DOT1L: variants seen among roughly 807,000 people sequenced by gnomAD.
DOT1L encodes the protein histone-lysine N-methyltransferase, H3 lysine-79 specific.
In DOT1L, 33 loss-of-function variants were observed where a neutral mutation model predicts 153.3. The ratio of observed to expected loss-of-function variants is 0.22; its 90% CI spans 0.16 to 0.29. DOT1L has a LOEUF of 0.29. DOT1L is among the 10% of genes least tolerant of loss of function. DOT1L has a pLI of 1.00. For synonymous variants in DOT1L, 1,135 were observed against 965.1 expected, an observed-to-expected ratio of 1.18 and a Z score of -3.26; for missense variants, 1,847 against 2,119.9, an observed-to-expected ratio of 0.87 and a Z score of 2.53.
At chr19:2,165,192 C>T (rs879869748) in intron 1 of DOT1L, among the ~76,000 whole-genome samples, 3 of 152,190 alleles carry the variant, frequency 2.0e-5, no homozygotes, top group African/African-American at 7.2e-5. Context: ...AAAAGTGAAG[C>T]AGGCGCTGTC....
At chr19:2,209,927 CCT>C (rs2023646471) in intron 12 of DOT1L, among the ~76,000 whole-genome samples, 1 of 152,200 alleles carries the variant, frequency 6.6e-6, no homozygotes, top group Admixed American at 6.5e-5. Context: ...GCCGGCGCAC[CCT>C]GTGTTCCCCT....
In DOT1L at chr19:2,194,577, A is replaced by G; in HGVS notation, c.651A>G (p.Thr217=). Residue 217 remains threonine, a splice_region_variant and synonymous_variant, in exon 7 of 28, where the codon ACA becomes ACG. Transcript: ENST00000398665. ...ATGGAAAAAAGCATGCAGAATACAC[A>G]GTGAGTGCCATCGCTCCGCCCCGGC... ...KWYGKKHAEY[T]LERGDFLSEE... 1 of 1,612,002 alleles carries G rather than the reference A, an allele frequency of 6.2e-7. No homozygotes were observed. Among genetic ancestry groups the G allele is most frequent in the Admixed American group, 1.7e-5 (1 of 60,012 alleles).
chr19:2,208,831 C>T lies in DOT1L; in HGVS notation c.964-104C>T, dbSNP rs954632320. The T allele has an allele frequency of 1.1e-5, 13 of 1,211,266 alleles. No homozygotes were observed. The highest frequency in any genetic ancestry group is 1.3e-5 in the Non-Finnish European group (11 of 849,710). 75.0% of individuals were successfully genotyped at this position (1,211,266 alleles called of 1,614,324 possible). A position where few individuals can be genotyped will look rare whatever the true frequency, so the allele number is the denominator to read the frequency against. On this transcript the variant is annotated intron_variant, in intron 11 of 27. Coordinates refer to ENST00000398665, the MANE Select transcript of DOT1L (RefSeq NM_032482.3). This position sits in a 1 kb window ranked among gnomAD's most constrained non-coding sequence, Gnocchi z 4.4. The stretch of plus-strand genomic sequence containing the variant: ...TGCTGTCCCCAGATACCAGAACAGC[C>T]TCCCCAGCCACTGTCCAGGTTGCTG...
In DOT1L at chr19:2,197,850, G is replaced by A. The variant is rs1331549927; in HGVS notation, c.652-2034G>A. Among the ~76,000 whole-genome samples the A allele has an allele frequency of 1.3e-5, 2 of 152,208 alleles. No individual in the cohort carries two copies. Among genetic ancestry groups the A allele is most frequent in the South Asian group, 2.1e-4 (1 of 4,828 alleles). On this transcript the variant is annotated intron_variant, in intron 7 of 27. Transcript: ENST00000398665. The surrounding 1 kb of genome is among the most constrained non-coding windows in gnomAD (Gnocchi z 4.1). The stretch of plus-strand genomic sequence containing the variant: ...CAGCCAACCCTGCTGCGGAGGGTGG[G>A]TCAGAGAGGCTTCCACCTGACTGTT...
intron 18 of DOT1L, chr19:2,214,234 GGGT>G (rs1391357110): frequency 2.3e-6 from 2 of 874,566 alleles, no homozygotes; most frequent in African/African-American, 3.4e-5. Flanking sequence ...TCGAGGTGTG[GGGT>G]CATGCGAGCA....
intron 15 of DOT1L, among the ~76,000 whole-genome samples, chr19:2,211,524 A>G (rs946599085): frequency 4.6e-5 from 7 of 152,220 alleles, no homozygotes; most frequent in Admixed American, 2.0e-4. Context: ...TGCAGTGCCC[A>G]GGATGGCCCC....
In DOT1L at chr19:2,216,484, G is replaced by A. The variant is rs544262251; in HGVS notation, c.2127G>A (p.Pro709=). Reference sequence around the variant, plus strand: ...TGCCTCACTTGAGCAGCATGAGCCCGGAGCTCTCCATGAACGGCCAGGCTG... The same window carrying A: ...TGCCTCACTTGAGCAGCATGAGCCCAGAGCTCTCCATGAACGGCCAGGCTG... ...FSLPHLSSMS[P]ELSMNGQAAG... Residue 709 remains proline, a synonymous_variant, in exon 20 of 28, where the codon CCG becomes CCA. Transcript: ENST00000398665. 343 of 1,612,644 alleles carry A rather than the reference G, an allele frequency of 2.1e-4. 2 individuals carry two copies. The highest frequency in any genetic ancestry group is 1.8e-3 in the South Asian group (160 of 91,084).
chr19:2,164,892 G>C (rs1012276647), intron 1 of DOT1L, among the ~76,000 whole-genome samples: 7 of 152,200 alleles, frequency 4.6e-5, no homozygotes, highest in Non-Finnish European at 1.0e-4. Context: ...TAGTTGGTTG[G>C]GGACAGGCTT....
rs771697307 is a variant in DOT1L, at chr19:2,222,207, G to A, written c.3038G>A (p.Gly1013Asp). 1 of 1,613,088 alleles carries A rather than the reference G, an allele frequency of 6.2e-7. No individual in the cohort carries two copies. The highest frequency in any genetic ancestry group is 8.5e-7 in the Non-Finnish European group (1 of 1,179,840). The change falls in exon 24 of 28, where the codon GGT becomes GAT. Residue 1013 changes from glycine to aspartate, a missense_variant. Transcript: ENST00000398665. The surrounding 1 kb of genome is among the most constrained non-coding windows in gnomAD (Gnocchi z 6.5). ...CAGCTCTCCTCCAGTCCCCGGCTTG[G>A]TGGGGCCGCCCAGGGCCCGTTGCCC... ...AHQLSSSPRLGGAAQGPLPEA... is the reference protein window; with the variant it reads ...AHQLSSSPRLDGAAQGPLPEA...
At chr19:2,218,622 T>C (rs910037186) in intron 22 of DOT1L, among the ~76,000 whole-genome samples, 7 of 152,104 alleles carry the variant, frequency 4.6e-5, no homozygotes, top group Non-Finnish European at 8.8e-5. Context: ...CTTGATCTCC[T>C]GACCTAGTGA....
chr19:2,187,787 T>C (rs1014089949), intron 3 of DOT1L, among the ~76,000 whole-genome samples: 2 of 152,016 alleles, frequency 1.3e-5, no homozygotes, highest in African/African-American at 4.8e-5. Context: ...CCGGGCGTGG[T>C]GGCGGGTGCC....
At position 2,207,267 on chromosome 19, in the gene DOT1L, T is replaced by C. The variant is rs2023534903; in HGVS notation, c.857-307T>C. Among the ~76,000 whole-genome samples, 1 of 152,244 alleles carries C rather than the reference T, an allele frequency of 6.6e-6. No individual in the cohort carries two copies. The highest frequency in any genetic ancestry group is 1.5e-5 in the Non-Finnish European group (1 of 68,030). On this transcript the variant is annotated intron_variant, in intron 10 of 27. Coordinates refer to ENST00000398665, the MANE Select transcript of DOT1L (RefSeq NM_032482.3). This position sits in a 1 kb window ranked among gnomAD's most constrained non-coding sequence, Gnocchi z 4.5. ...CCCACCCGGGAGGTGCCTGTGTTGC[T>C]GGATGCTGGCCGTTCTTGCAGCCGT...
intron 1 of DOT1L, among the ~76,000 whole-genome samples, chr19:2,164,676 T>C (rs1176414665): frequency 6.6e-6 from 1 of 150,862 alleles, no homozygotes; most frequent in East Asian, 2.0e-4. Context: ...TGTCTCCTCT[T>C]CTCTTCTTTT....
intron 24 of DOT1L, 128 bp from the exon 25 acceptor site, chr19:2,223,153 T>C: frequency 1.0e-6 from 1 of 989,760 alleles, no homozygotes; most frequent in African/African-American, 1.6e-5. Flanking sequence ...TACTGGCCGC[T>C]GGGCAGGGCA....
intron 1 of DOT1L, among the ~76,000 whole-genome samples, chr19:2,179,108 A>C (rs533588260): frequency 6.6e-6 from 1 of 151,884 alleles, no homozygotes; most frequent in East Asian, 1.9e-4. Context: ...CCTTTGGAGG[A>C]GAGCCAGCTG....
At chr19:2,229,437 G>C (rs1356903832) in intron 27 of DOT1L, 2 of 985,348 alleles carry the variant, frequency 2.0e-6, no homozygotes, top group African/African-American at 1.7e-5. Context: ...GCCAGGGCTG[G>C]TCAGCCTGGC....
At chr19:2,189,682 T>C in intron 3 of DOT1L, 50 bp from the exon 4 acceptor site, 2 of 1,599,750 alleles carry the variant, frequency 1.3e-6, no homozygotes, top group Non-Finnish European at 1.7e-6. Context: ...CTCCCATGCA[T>C]GCGGCTGGCT....
chr19:2,216,438 T>C lies in DOT1L; in HGVS notation c.2081T>C (p.Leu694Pro), dbSNP rs2023903095. The part of the protein sequence containing the change: ...EPDASRLHLE[L>P]DCTKFSLPHL... Reference sequence around the variant, plus strand: ...GACGCCAGCCGGCTGCACCTGGAGCTGGACTGCACCAAGTTCTCGCTGCCT... The same window carrying C: ...GACGCCAGCCGGCTGCACCTGGAGCCGGACTGCACCAAGTTCTCGCTGCCT... Residue 694 changes from leucine (L) to proline (P), a missense_variant, in exon 20 of 28, where the codon CTG (leucine) becomes CCG (proline). Transcript: ENST00000398665. 1.2e-6 allele frequency: 2 copies of C among 1,612,564 alleles called. No individual in the cohort carries two copies. Among genetic ancestry groups the C allele is most frequent in the Admixed American group, 1.7e-5 (1 of 60,008 alleles).
chr19:2,164,349 C>T, intron 1 of DOT1L, 84 bp downstream of exon 1: 2 of 971,400 alleles, frequency 2.1e-6, no homozygotes, highest in Non-Finnish European at 2.6e-6. Flanking sequence ...CCCCAAGCCG[C>T]GCTCACCGGT....
Sources: allele counts gnomAD v4.1 joint callset (sites outside exome capture counted in the v4.1 genomes callset), GRCh38; gene constraint gnomAD v4.1.1; non-coding constraint Gnocchi (gnomAD v3.1); transcripts MANE v1.5; gene names NCBI Gene and HGNC (gene_info 2026-07-23, HGNC 2026-07-21).